Variants in MTUS1 observed in about 807,000 individuals in gnomAD.
MTUS1 encodes microtubule-associated tumor suppressor 1.
Under a neutral mutation model 120.8 loss-of-function variants are expected in MTUS1, and 109 were observed. The ratio of observed to expected loss-of-function variants is 0.90; its 90% CI spans 0.77 to 1.06. MTUS1 has a LOEUF of 1.06. Ranked by LOEUF, MTUS1 falls within the 50% of genes least tolerant of loss-of-function variation. The pLI is 0.00. For missense variants in MTUS1, 2,210 were observed against 1,486.3 expected (o/e 1.49, Z -8.01); for synonymous variants, 737 against 550.5 (o/e 1.34, Z -4.74).
Position 17,768,621 on chromosome 8 carries a change from A to T in MTUS1, c.-154-12660T>A, listed in dbSNP as rs148366271. 3.5e-4 allele frequency among the ~76,000 whole-genome samples: 53 copies of T among 152,290 alleles called. 1 individual carries two copies. In the East Asian group the frequency reaches 9.4e-3, roughly 27 times the overall value. ...AAGCCACATGAGGTTTGTATTTAAA[A>T]TATCTTTAAGAGCCTTTTTGCAGCA... On this transcript the variant is annotated intron_variant, in intron 1 of 14. Coordinates refer to ENST00000693296, the MANE Select transcript of MTUS1 (RefSeq NM_001363059.2).
Position 17,754,204 on chromosome 8 carries a change from T to A in MTUS1, c.1604A>T (p.Gln535Leu). ...TGAGGGTGATGAGGCACTGGTCTGC[T>A]GAGGTCTGGGCGTGACCTTTGATAA... ...AALSKVTPRP[Q>L]QTSASSPSSV... The change falls in exon 2 of 15, where the codon CAG (glutamine) becomes CTG (leucine). Residue 535 changes from glutamine (Q) to leucine (L), a missense_variant. Gln to Leu is a moderately radical substitution (Grantham distance 113). Coordinates refer to ENST00000693296, the MANE Select transcript of MTUS1 (RefSeq NM_001363059.2). 1.2e-6 allele frequency: 2 copies of A among 1,614,154 alleles called. No homozygotes were observed. Among genetic ancestry groups the A allele is most frequent in the South Asian group, 1.1e-5 (1 of 91,082 alleles).
rs34479493 is a variant in MTUS1, at chr8:17,714,894, C to CTTTT, written c.2584+869_2584+872dup. On this transcript the variant is annotated intron_variant, in intron 5 of 14. Coordinates refer to ENST00000693296, the MANE Select transcript of MTUS1 (RefSeq NM_001363059.2). ...TTCAGTTCACTAAGCACAAATAATG[C>CTTTT]TTTTTTTTTTTTTTTTTTTTTTTTT... Among the ~76,000 whole-genome samples, 52 of 55,192 alleles carry CTTTT rather than the reference C, an allele frequency of 9.4e-4. 4 individuals carry two copies. The highest frequency in any genetic ancestry group is 2.3e-3 in the African/African-American group (30 of 13,068). The allele number at this position is 55,192 out of a possible 152,430, so 36.2% of individuals were successfully genotyped here.
chr8:17,793,431 A>G (rs1160524049), intron 1 of MTUS1, among the ~76,000 whole-genome samples: 2 of 152,128 alleles, frequency 1.3e-5, no homozygotes, highest in Non-Finnish European at 2.9e-5. Flanking sequence ...GAAAAGCAAT[A>G]AGGAAATTAA....
In MTUS1 at chr8:17,666,343, G is replaced by A. The variant is rs557425545; in HGVS notation, c.2905+8843C>T. Among the ~76,000 whole-genome samples the A allele has an allele frequency of 4.0e-5, 6 of 151,696 alleles. No homozygotes were observed. The East Asian group carries it at 1.2e-3, about 29-fold the overall frequency. On this transcript the variant is annotated intron_variant, in intron 8 of 14. Transcript: ENST00000693296. ...ATTCATTCTGCCTCTTCTCCTCACTGACGGATCATTTTTAGAGCACGAGGG... is the reference window on the plus strand; with the variant it reads ...ATTCATTCTGCCTCTTCTCCTCACTAACGGATCATTTTTAGAGCACGAGGG...
At chr8:17,767,072 T>C (rs2049567598) in intron 1 of MTUS1, among the ~76,000 whole-genome samples, 1 of 150,920 alleles carries the variant, frequency 6.6e-6, no homozygotes, top group African/African-American at 2.4e-5. Context: ...GTGGGGAGAA[T>C]GAATGGAAAT....
chr8:17,761,046 A>G (rs1050220822), intron 1 of MTUS1, among the ~76,000 whole-genome samples: 1 of 152,210 alleles, frequency 6.6e-6, no homozygotes, highest in Non-Finnish European at 1.5e-5. Flanking sequence ...TTTGGACCAG[A>G]GAGAACAAAT....
In MTUS1 at chr8:17,692,251, T is replaced by G. The variant is rs538285792; in HGVS notation, c.2624-7709A>C. 3.9e-5 allele frequency: 6 copies of G among 152,284 alleles called. No individual in the cohort carries two copies. In the East Asian group the frequency reaches 1.2e-3, roughly 30 times the overall value. The allele number at this position is 152,284 out of a possible 1,614,324, so 9.4% of individuals were successfully genotyped here. A position where few individuals can be genotyped will look rare whatever the true frequency, so the allele number is the denominator to read the frequency against. On this transcript the variant is annotated intron_variant, in intron 6 of 14. Transcript: ENST00000693296. ...CACACGCTCTATTTCCCAGCCTCCC[T>G]TCCAGGTCGAGTCATGTGACTAAGA...
chr8:17,675,103 G>A, intron 8 of MTUS1, 83 bp downstream of exon 8: 2 of 1,595,054 alleles, frequency 1.3e-6, no homozygotes, highest in Non-Finnish European at 8.6e-7. Flanking sequence ...TGCAACTCCA[G>A]CCACAACGCA....
chr8:17,792,660 T>C (rs1358928308), intron 1 of MTUS1, among the ~76,000 whole-genome samples: 5 of 152,334 alleles, frequency 3.3e-5, no homozygotes, highest in African/African-American at 9.6e-5. Flanking sequence ...GGCCAGGAGA[T>C]TGCCACCAGC....
chr8:17,704,589 G>A lies in MTUS1; in HGVS notation c.2623+8625C>T, dbSNP rs144729637. Among the ~76,000 whole-genome samples, 44 of 152,116 alleles carry A rather than the reference G, an allele frequency of 2.9e-4. No homozygotes were observed. In the East Asian group the frequency reaches 4.5e-3, roughly 15 times the overall value. ...GAAGATTAGCTAACCGTATATGCAC[G>A]GATTTATTTCTAGACTATTTTATTC... is the stretch of plus-strand genomic sequence containing the variant. On this transcript the variant is annotated intron_variant, in intron 6 of 14. Coordinates refer to ENST00000693296, the MANE Select transcript of MTUS1 (RefSeq NM_001363059.2).
intron 2 of MTUS1, among the ~76,000 whole-genome samples, chr8:17,747,018 G>T (rs964736631): frequency 3.9e-5 from 6 of 152,106 alleles, no homozygotes. Flanking sequence ...ATGTCCACAG[G>T]ATCTTTCTGG....
intron 6 of MTUS1, 45 bp downstream of exon 6, chr8:17,713,169 T>C (rs1021881072): frequency 2.1e-6 from 3 of 1,457,278 alleles, no homozygotes; most frequent in East Asian, 2.3e-5. Context: ...AACATAACTT[T>C]ACAAAAAGAT....
chr8:17,743,562 C>T, intron 3 of MTUS1, 42 bp downstream of exon 3: 1 of 1,564,954 alleles, frequency 6.4e-7, no homozygotes, highest in Non-Finnish European at 8.7e-7. Context: ...TCCAATTTTA[C>T]ATTCAATTAA....
intron 1 of MTUS1, among the ~76,000 whole-genome samples, chr8:17,788,195 A>G (rs1195577018): frequency 6.6e-6 from 1 of 152,322 alleles, no homozygotes; most frequent in East Asian, 1.9e-4. Context: ...ACCAATATGT[A>G]TTTGTCAAAA....
intron 13 of MTUS1, among the ~76,000 whole-genome samples, chr8:17,649,305 T>A (rs1304705285): frequency 1.3e-5 from 2 of 152,068 alleles, no homozygotes; most frequent in Non-Finnish European, 2.9e-5. Flanking sequence ...GACCCACCCA[T>A]CTCAACCTCC....
At chr8:17,695,826 A>G (rs1401537779) in intron 6 of MTUS1, among the ~76,000 whole-genome samples, 1 of 152,224 alleles carries the variant, frequency 6.6e-6, no homozygotes, top group Non-Finnish European at 1.5e-5. Flanking sequence ...AAAGACCTGC[A>G]TAGATTTACA....
At chr8:17,663,280 T>C (rs1810171315) in intron 8 of MTUS1, among the ~76,000 whole-genome samples, 1 of 152,194 alleles carries the variant, frequency 6.6e-6, no homozygotes, top group South Asian at 2.1e-4. Context: ...GTCAGACTTT[T>C]ATTATTTCCA....
chr8:17,786,880 C>T (rs2051345589), intron 1 of MTUS1, among the ~76,000 whole-genome samples: 1 of 152,150 alleles, frequency 6.6e-6, no homozygotes, highest in Non-Finnish European at 1.5e-5. Context: ...ATCAGTTCTT[C>T]GGATCCCTTA....
intron 8 of MTUS1, among the ~76,000 whole-genome samples, chr8:17,669,883 T>C (rs1051668205): frequency 1.3e-5 from 2 of 151,970 alleles, no homozygotes; most frequent in South Asian, 2.1e-4. Flanking sequence ...TAGAGACACA[T>C]GTCAGCCTGA....
Sources: allele counts gnomAD v4.1 joint callset (sites outside exome capture counted in the v4.1 genomes callset), GRCh38; gene constraint gnomAD v4.1.1; transcripts MANE v1.5; gene names NCBI Gene and HGNC (gene_info 2026-07-23, HGNC 2026-07-21).